RPTOR: variants seen among roughly 807,000 people sequenced by gnomAD.
RPTOR encodes the protein regulatory associated protein of MTOR complex 1.
Under a neutral mutation model 169.9 loss-of-function variants are expected in RPTOR, and 21 were observed. That is an observed-to-expected ratio of 0.12 (90% CI 0.09 to 0.18). RPTOR has a LOEUF of 0.18. Among genes scored for constraint, RPTOR ranks in the 10% least tolerant of loss-of-function variants. RPTOR has a pLI of 1.00. For missense variants in RPTOR, 1,133 were observed against 1,855.9 expected (o/e 0.61, Z 7.16); for synonymous variants, 732 against 753.2 (o/e 0.97, Z 0.46).
At chr17:80,863,446 A>G (rs2067943419) in intron 13 of RPTOR, among the ~76,000 whole-genome samples, 1 of 152,246 alleles carries the variant, frequency 6.6e-6, no homozygotes, top group Non-Finnish European at 1.5e-5. Flanking sequence ...AGGTGTTATC[A>G]TTAGCAGGCC....
chr17:80,569,382 G>A (rs4506961), intron 1 of RPTOR, among the ~76,000 whole-genome samples: 35,577 of 151,980 alleles, frequency 0.23, 5,166 homozygotes, highest in East Asian at 0.42. Flanking sequence ...GGTCTAGGCC[G>A]GGCGTGGTGG....
chr17:80,919,569 C>T (rs775591426), intron 21 of RPTOR, among the ~76,000 whole-genome samples: 36 of 152,304 alleles, frequency 2.4e-4, no homozygotes, highest in Non-Finnish European at 4.7e-4. Flanking sequence ...CAGACGCCCC[C>T]GTGTCCTTGT....
At chr17:80,902,432 G>A (rs1463994367) in intron 20 of RPTOR, among the ~76,000 whole-genome samples, 4 of 152,218 alleles carry the variant, frequency 2.6e-5, no homozygotes, top group African/African-American at 7.2e-5. Flanking sequence ...CTTGCCGGGA[G>A]GTTGCCTGGC....
At chr17:80,956,709 G>T (rs2069254601) in intron 28 of RPTOR, among the ~76,000 whole-genome samples, 1 of 152,254 alleles carries the variant, frequency 6.6e-6, no homozygotes, top group African/African-American at 2.4e-5. Flanking sequence ...ACCTTAGACA[G>T]ACGTTGCTGG....
Position 80,746,496 on chromosome 17 carries a change from T to G in RPTOR, c.655-7514T>G, listed in dbSNP as rs1272504799. Reference sequence around the variant, plus strand: ...ATGTCTTTTTTGGATCCGGTTGCTGTGTATCGCATCGCAAGACTTTTCTGG... The same window carrying G: ...ATGTCTTTTTTGGATCCGGTTGCTGGGTATCGCATCGCAAGACTTTTCTGG... On this transcript the variant is annotated intron_variant, in intron 5 of 33. Transcript: ENST00000306801. The surrounding 1 kb of genome is among the most constrained non-coding windows in gnomAD (Gnocchi z 4.5). 2.6e-5 allele frequency among the ~76,000 whole-genome samples: 4 copies of G among 152,224 alleles called. No homozygotes were observed. Among genetic ancestry groups the G allele is most frequent in the African/African-American group, 9.6e-5 (4 of 41,472 alleles).
intron 1 of RPTOR, among the ~76,000 whole-genome samples, chr17:80,597,292 G>A (rs762983769): frequency 3.3e-5 from 5 of 152,232 alleles, no homozygotes; most frequent in Non-Finnish European, 7.4e-5. Flanking sequence ...TTTAGGGAGG[G>A]TGTTCACAGA....
At chr17:80,834,197 C>T in intron 9 of RPTOR, among the ~76,000 whole-genome samples, 1 of 152,204 alleles carries the variant, frequency 6.6e-6, no homozygotes. Flanking sequence ...TCCTTCGGGC[C>T]CAGGCCGAGC....
chr17:80,871,543 G>A (rs1305629304), intron 13 of RPTOR, among the ~76,000 whole-genome samples: 3 of 152,182 alleles, frequency 2.0e-5, no homozygotes, highest in East Asian at 1.9e-4. Context: ...GGCGTCCCCC[G>A]GGTGAAGCCG....
At chr17:80,915,297 G>A (rs2068660155) in intron 21 of RPTOR, among the ~76,000 whole-genome samples, 2 of 124,902 alleles carry the variant, frequency 1.6e-5, no homozygotes, top group African/African-American at 3.0e-5. Flanking sequence ...TCTCCTCTCT[G>A]CTGAGAGCTG....
intron 6 of RPTOR, among the ~76,000 whole-genome samples, chr17:80,783,587 T>G (rs757861835): frequency 1.9e-4 from 29 of 152,202 alleles, no homozygotes; most frequent in Non-Finnish European, 3.8e-4. Flanking sequence ...CCGTGGAAGG[T>G]GTATTCCATT....
chr17:80,892,967 T>C, intron 19 of RPTOR, 98 bp downstream of exon 19: 1 of 1,418,044 alleles, frequency 7.1e-7, no homozygotes. Flanking sequence ...CCCTGCCCCT[T>C]CGTCTAAGTG....
intron 7 of RPTOR, among the ~76,000 whole-genome samples, chr17:80,814,229 G>A (rs1367053670): frequency 6.6e-6 from 1 of 152,144 alleles, no homozygotes; most frequent in African/African-American, 2.4e-5. Flanking sequence ...AAAAAGGGGG[G>A]AAAAGTTTTG....
intron 3 of RPTOR, among the ~76,000 whole-genome samples, chr17:80,681,745 C>T (rs970837962): frequency 7.8e-6 from 1 of 128,362 alleles, no homozygotes; most frequent in Non-Finnish European, 1.6e-5. Context: ...ATGAGGTGTA[C>T]GTCTCTTACA....
At chr17:80,630,740 G>T (rs74000841) in intron 2 of RPTOR, among the ~76,000 whole-genome samples, 3,440 of 152,332 alleles carry the variant, frequency 0.023, 132 homozygotes, top group African/African-American at 0.078. Context: ...CACAGTCCTC[G>T]TGCATTAGGG....
At chr17:80,885,246 C>T in intron 17 of RPTOR, 98 bp downstream of exon 17, 2 of 1,366,224 alleles carry the variant, frequency 1.5e-6, no homozygotes, top group Non-Finnish European at 2.0e-6. Context: ...GCAGGGAGCA[C>T]TCAGTTTCCA....
At chr17:80,744,932 C>T (rs2066555032) in intron 5 of RPTOR, among the ~76,000 whole-genome samples, 1 of 151,560 alleles carries the variant, frequency 6.6e-6, no homozygotes, top group Non-Finnish European at 1.5e-5. Context: ...TGGTTACTAG[C>T]AGAGCCCTGG....
intron 1 of RPTOR, among the ~76,000 whole-genome samples, chr17:80,583,182 GTTTTTT>G (rs1166711662): frequency 1.3e-5 from 1 of 79,268 alleles, no homozygotes; most frequent in Non-Finnish European, 2.4e-5. Flanking sequence ...CCTCTTTCCT[GTTTTTT>G]TTTTTTTTTT....
At chr17:80,920,249 C>G (rs1366167606) in intron 21 of RPTOR, among the ~76,000 whole-genome samples, 2 of 152,244 alleles carry the variant, frequency 1.3e-5, no homozygotes, top group African/African-American at 2.4e-5. Context: ...TGTTCACAAT[C>G]TTGGCCCCAC....
chr17:80,725,410 C>T (rs373759785), intron 4 of RPTOR, among the ~76,000 whole-genome samples: 11 of 152,220 alleles, frequency 7.2e-5, no homozygotes, highest in South Asian at 4.1e-4. Flanking sequence ...AAAGAAGAGA[C>T]GCTTTGATTA....
Sources: allele counts gnomAD v4.1 joint callset (sites outside exome capture counted in the v4.1 genomes callset), GRCh38; gene constraint gnomAD v4.1.1; non-coding constraint Gnocchi (gnomAD v3.1); transcripts MANE v1.5; gene names NCBI Gene and HGNC (gene_info 2026-07-23, HGNC 2026-07-21).